Variants in DLG2 observed in about 807,000 individuals in gnomAD.
The protein encoded by DLG2 is disks large homolog 2.
In DLG2, 45 loss-of-function variants were observed where a neutral mutation model predicts 132.5. The observed-to-expected ratio is 0.34, with a 90% confidence interval of 0.27 to 0.44. The LOEUF (loss-of-function observed/expected upper bound fraction) is 0.44. Among genes scored for constraint, DLG2 ranks in the 20% least tolerant of loss-of-function variants. DLG2 has a pLI of 1.00. For missense variants in DLG2, 1,045 were observed against 1,196.9 expected (o/e 0.87, Z 1.87); for synonymous variants, 424 against 419.6 (o/e 1.01, Z -0.13).
intron 6 of DLG2, among the ~76,000 whole-genome samples, chr11:84,653,176 T>G (rs1218059469): frequency 2.6e-5 from 4 of 152,272 alleles, no homozygotes; most frequent in African/African-American, 9.6e-5. Context: ...GTGATCTTCC[T>G]GCCTGGGCCT....
chr11:84,733,179 T>C (rs1338266580), intron 6 of DLG2, among the ~76,000 whole-genome samples: 1 of 152,176 alleles, frequency 6.6e-6, no homozygotes, highest in Non-Finnish European at 1.5e-5. Context: ...CTGGGTCAAA[T>C]GGTATTTTTA....
intron 18 of DLG2, among the ~76,000 whole-genome samples, chr11:83,774,835 T>C (rs1211111537): frequency 1.3e-5 from 2 of 152,134 alleles, no homozygotes; most frequent in East Asian, 3.9e-4. Flanking sequence ...GGAAGGTAAA[T>C]ATGATTACCC....
intron 27 of DLG2, among the ~76,000 whole-genome samples, chr11:83,460,202 C>CTCA (rs1187197755): frequency 2.6e-5 from 4 of 152,188 alleles, no homozygotes; most frequent in Admixed American, 1.3e-4. Flanking sequence ...CAATTTATCA[C>CTCA]TCATCTATTT....
At chr11:84,420,716 T>C (rs1401076719) in intron 7 of DLG2, among the ~76,000 whole-genome samples, 3 of 120,968 alleles carry the variant, frequency 2.5e-5, no homozygotes, top group Non-Finnish European at 4.8e-5. Flanking sequence ...TCGCCCAGGC[T>C]GGAGTGCAGT....
chr11:84,108,950 G>A (rs1392685459), intron 9 of DLG2, among the ~76,000 whole-genome samples: 1 of 152,132 alleles, frequency 6.6e-6, no homozygotes, highest in Admixed American at 6.6e-5. Context: ...CAAAGATGAC[G>A]TGACACATAG....
At chr11:83,681,169 A>G (rs1157688736) in intron 18 of DLG2, among the ~76,000 whole-genome samples, 12 of 152,182 alleles carry the variant, frequency 7.9e-5, no homozygotes, top group Non-Finnish European at 1.5e-5. Flanking sequence ...TAAATCTGCT[A>G]TTGCAAAAAA....
At chr11:85,497,335 G>A (rs2093690661) in intron 3 of DLG2, among the ~76,000 whole-genome samples, 1 of 151,584 alleles carries the variant, frequency 6.6e-6, no homozygotes, top group Non-Finnish European at 1.5e-5. Flanking sequence ...ATCAGTGATT[G>A]AAGATGAACT....
intron 18 of DLG2, chr11:83,647,107 A>G (rs2068437660): frequency 6.6e-6 from 1 of 152,136 alleles, no homozygotes; most frequent in South Asian, 2.1e-4. Context: ...ATTGTTGAAT[A>G]GTGGTAAACA....
intron 6 of DLG2, among the ~76,000 whole-genome samples, chr11:84,540,620 G>C (rs954422083): frequency 2.0e-5 from 3 of 152,290 alleles, no homozygotes; most frequent in African/African-American, 7.2e-5. Flanking sequence ...CACCATTGTG[G>C]AAGTCAGTGT....
chr11:85,384,304 C>T (rs1224342454), intron 3 of DLG2, among the ~76,000 whole-genome samples: 1 of 152,050 alleles, frequency 6.6e-6, no homozygotes, highest in African/African-American at 2.4e-5. Flanking sequence ...GACATTGGTT[C>T]ATCTTTGGTG....
intron 8 of DLG2, among the ~76,000 whole-genome samples, chr11:84,224,337 T>G (rs2096959977): frequency 6.6e-6 from 1 of 152,224 alleles, no homozygotes; most frequent in African/African-American, 2.4e-5. Context: ...TGAACCAGCC[T>G]GACAAACCTC....
At chr11:85,020,769 A>G in intron 6 of DLG2, 1 of 693,294 alleles carries the variant, frequency 1.4e-6, no homozygotes, top group South Asian at 1.4e-5. Context: ...AAACCCTGCT[A>G]TGTGCTTCAA....
chr11:84,581,205 A>G (rs1447032885), intron 6 of DLG2, among the ~76,000 whole-genome samples: 1 of 152,152 alleles, frequency 6.6e-6, no homozygotes, highest in Admixed American at 6.6e-5. Context: ...TCAGTTAGGA[A>G]TTTTCCTTTA....
chr11:83,800,279 G>A (rs965361605), intron 17 of DLG2, among the ~76,000 whole-genome samples: 1 of 152,134 alleles, frequency 6.6e-6, no homozygotes, highest in Admixed American at 6.5e-5. Flanking sequence ...TAGAAAGAGA[G>A]CCTCATACTA....
At chr11:85,305,545 C>T (rs1433134681) in intron 3 of DLG2, among the ~76,000 whole-genome samples, 1 of 152,146 alleles carries the variant, frequency 6.6e-6, no homozygotes, top group Non-Finnish European at 1.5e-5. Context: ...CAGAGTCTCA[C>T]TCTGTCGCAC....
intron 7 of DLG2, among the ~76,000 whole-genome samples, chr11:84,317,921 C>T (rs559055858): frequency 5.3e-5 from 8 of 152,258 alleles, no homozygotes; most frequent in South Asian, 2.1e-4. Flanking sequence ...ATGCTATACA[C>T]GATTATTAAT....
intron 2 of DLG2, among the ~76,000 whole-genome samples, chr11:85,614,332 T>TAAAAAA (rs777965732): frequency 8.5e-4 from 128 of 151,084 alleles, no homozygotes; most frequent in African/African-American, 3.0e-3. Context: ...TTTTTTTTTT[T>TAAAAAA]AAAAATTAAC....
intron 7 of DLG2, among the ~76,000 whole-genome samples, chr11:84,332,674 G>A (rs1376920171): frequency 6.6e-6 from 1 of 152,082 alleles, no homozygotes; most frequent in Non-Finnish European, 1.5e-5. Context: ...CTAATGTGTA[G>A]GAAGTTTATA....
chr11:85,619,748 C>T lies in DLG2; in HGVS notation c.-93+6839G>A, dbSNP rs183304070. 3.2e-3 allele frequency among the ~76,000 whole-genome samples: 494 copies of T among 152,082 alleles called. 4 individuals carry two copies. Among genetic ancestry groups the T allele is most frequent in the Middle Eastern group, 0.01 (3 of 294 alleles). ...ACTCGGCAGGCTGAGCCAGGAGAAT[C>T]GCCTGAACCCAGGAGGTGGAGGTTG... On this transcript the variant is annotated intron_variant, in intron 2 of 27. Coordinates refer to ENST00000376104, the MANE Select transcript of DLG2 (RefSeq NM_001142699.3).
Sources: allele counts gnomAD v4.1 joint callset (sites outside exome capture counted in the v4.1 genomes callset), GRCh38; gene constraint gnomAD v4.1.1; transcripts MANE v1.5; gene names NCBI Gene and HGNC (gene_info 2026-07-23, HGNC 2026-07-21).